Variants in C11orf86 observed in about 807,000 individuals in gnomAD.
The protein encoded by C11orf86 is uncharacterized protein C11orf86.
C11orf86 carries 13 observed loss-of-function variants against 11.1 expected under a neutral mutation model. The observed-to-expected ratio is 1.17, with a 90% CI of 0.76 to 1.86. The LOEUF (loss-of-function observed/expected upper bound fraction) is 1.86, where lower values mean the gene tolerates loss of function less well. C11orf86 is among the 40% of genes most tolerant of loss of function. The pLI is 0.00. For missense variants in C11orf86, 144 were observed against 146.5 expected, an observed-to-expected ratio of 0.98 and a Z score of 0.09; for synonymous variants, 86 against 64.7, an observed-to-expected ratio of 1.33 and a Z score of -1.58.
chr11:66,976,362 T>A lies in C11orf86; in HGVS notation c.*111T>A. ...CCTACCTCTTCACAGCTCTCTGGACTTTGGCTGGGTGGCCCTAGGAGGCTT... is the reference window on the plus strand; with the variant it reads ...CCTACCTCTTCACAGCTCTCTGGACATTGGCTGGGTGGCCCTAGGAGGCTT... On this transcript the variant is annotated 3_prime_UTR_variant, in exon 2 of 2. Transcript: ENST00000683896. 8.1e-7 allele frequency: 1 copy of A among 1,231,008 alleles called. No individual in the cohort carries two copies. The highest frequency in any genetic ancestry group is 1.1e-6 in the Non-Finnish European group (1 of 876,348). The allele number at this position is 1,231,008 out of a possible 1,614,324, so 76.3% of individuals were successfully genotyped here. A position where few individuals can be genotyped will look rare whatever the true frequency, so the allele number is the denominator to read the frequency against.
chr11:66,975,721 A>G (rs1305449111), intron 1 of C11orf86, 83 bp downstream of exon 1: 1 of 1,493,166 alleles, frequency 6.7e-7, no homozygotes, highest in African/African-American at 1.4e-5. Context: ...AGACAGAGCC[A>G]GCCCAGGCTG....
At position 66,975,505 on chromosome 11, in the gene C11orf86, A is replaced by G; in HGVS notation, c.143A>G (p.Gln48Arg). 6.4e-7 allele frequency: 1 copy of G among 1,551,558 alleles called. No individual in the cohort carries two copies. Among genetic ancestry groups the G allele is most frequent in the Non-Finnish European group, 8.7e-7 (1 of 1,146,960 alleles). Residue 48 changes from glutamine (Q) to arginine (R), a missense_variant, in exon 1 of 2, where the codon CAG becomes CGG. Transcript: ENST00000683896. ...LRQGQEKSRS[Q>R]GLERGTEGPD... ...CAGGGGCAAGAGAAGTCCAGGTCCC[A>G]GGGCCTCGAGAGAGGCACAGAAGGG...
intron 1 of C11orf86, among the ~76,000 whole-genome samples, 192 bp downstream of exon 1, chr11:66,975,830 C>T (rs1431144014): frequency 1.3e-5 from 2 of 152,134 alleles, no homozygotes; most frequent in Non-Finnish European, 2.9e-5. Flanking sequence ...TGGGATTTAT[C>T]CCACAGGCAC....
chr11:66,976,330 C>T lies in C11orf86; in HGVS notation c.*79C>T. 1 of 1,428,666 alleles carries T rather than the reference C, an allele frequency of 7.0e-7. No individual in the cohort carries two copies. Among genetic ancestry groups the T allele is most frequent in the Non-Finnish European group, 9.6e-7 (1 of 1,044,966 alleles). The allele number at this position is 1,428,666 out of a possible 1,614,324, so 88.5% of individuals were successfully genotyped here. The stretch of plus-strand genomic sequence containing the variant: ...CTGTGCCTGGACCAGCCCACCGTGT[C>T]TGCTGACCTACCTCTTCACAGCTCT... On this transcript the variant is annotated 3_prime_UTR_variant, in exon 2 of 2. Coordinates refer to ENST00000683896, the MANE Select transcript of C11orf86 (RefSeq NM_001353554.2).
rs1949784225 is a variant in C11orf86, at chr11:66,975,748, C to T, written c.276+110C>T. 1.0e-5 allele frequency: 15 copies of T among 1,436,888 alleles called. No individual in the cohort carries two copies. In the South Asian group the frequency reaches 1.7e-4, roughly 16 times the overall value. The allele number at this position is 1,436,888 out of a possible 1,614,324, so 89.0% of individuals were successfully genotyped here. A position where few individuals can be genotyped will look rare whatever the true frequency, so the allele number is the denominator to read the frequency against. ...CCCAGGCTGTGTACCAAGATGACAA[C>T]CGAGCTGCCTGGAGATGAGGGTGCA... On this transcript the variant is annotated intron_variant, in intron 1 of 1. Coordinates refer to ENST00000683896, the MANE Select transcript of C11orf86 (RefSeq NM_001353554.2).
Position 66,976,202 on chromosome 11 carries a change from T to C in C11orf86, c.302T>C (p.Phe101Ser). The change falls in exon 2 of 2, where the codon TTT (phenylalanine) becomes TCT (serine). Residue 101 changes from phenylalanine (F) to serine (S), a missense_variant. By Grantham distance (155) the Phe-to-Ser change is radical. Transcript: ENST00000683896. ...QQQVRRRWES[F>S]VAIFPSVTLS... ...CAGGTAAGAAGAAGGTGGGAGAGCTTTGTCGCCATCTTCCCCAGCGTGACT... is the reference window on the plus strand; with the variant it reads ...CAGGTAAGAAGAAGGTGGGAGAGCTCTGTCGCCATCTTCCCCAGCGTGACT... 1 of 1,551,434 alleles carries C rather than the reference T, an allele frequency of 6.4e-7. No individual in the cohort carries two copies. Among genetic ancestry groups the C allele is most frequent in the Non-Finnish European group, 8.7e-7 (1 of 1,146,966 alleles).
chr11:66,975,392 G>T lies in C11orf86; in HGVS notation c.30G>T (p.Leu10Phe). 2 of 1,550,626 alleles carry T rather than the reference G, an allele frequency of 1.3e-6. No homozygotes were observed. Among genetic ancestry groups the T allele is most frequent in the Non-Finnish European group, 1.7e-6 (2 of 1,146,798 alleles). Residue 10 changes from leucine (L) to phenylalanine (F), a missense_variant, in exon 1 of 2, where the codon TTG becomes TTT. By Grantham distance (22) the Leu-to-Phe change is conservative (BLOSUM62 0). Coordinates refer to ENST00000683896, the MANE Select transcript of C11orf86 (RefSeq NM_001353554.2). MGTGLRSQS[L>F]REPRPSYGKL... The stretch of plus-strand genomic sequence containing the variant: ...GAACAGGGCTGCGAAGTCAGTCCTT[G>T]CGAGAGCCCCGACCCTCCTATGGAA...
At position 66,975,461 on chromosome 11, in the gene C11orf86, C is replaced by T; in HGVS notation, c.99C>T (p.Arg33=). The change falls in exon 1 of 2, where the codon CGC becomes CGT. Residue 33 remains arginine, a synonymous_variant. Coordinates refer to ENST00000683896, the MANE Select transcript of C11orf86 (RefSeq NM_001353554.2). ...GGAGGCCCCAGGAGGGCCAACTCCG[C>T]AGGGCGCTAAGCCTCAGACAGGGGC... ...PWGRPQEGQL[R]RALSLRQGQE... 6.4e-7 allele frequency: 1 copy of T among 1,551,154 alleles called. No individual in the cohort carries two copies. The highest frequency in any genetic ancestry group is 8.7e-7 in the Non-Finnish European group (1 of 1,146,886).
At chr11:66,975,665 G>A in intron 1 of C11orf86, 27 bp downstream of exon 1, 1 of 1,541,120 alleles carries the variant, frequency 6.5e-7, no homozygotes, top group East Asian at 2.4e-5. Flanking sequence ...AAGGATGGAG[G>A]GTACCACAGC....
In C11orf86 at chr11:66,975,596, C is replaced by T; in HGVS notation, c.234C>T (p.Ala78=). ...SLGDTEQLIQ[A]QRRGSRWWLR... ...GGGACACAGAGCAGCTGATCCAAGC[C>T]CAGCGAAGAGGCAGCCGGTGGTGGC... The change falls in exon 1 of 2, where the codon GCC becomes GCT. Residue 78 remains alanine (A), a synonymous_variant. Transcript: ENST00000683896. 3 of 1,551,330 alleles carry T rather than the reference C, an allele frequency of 1.9e-6. No individual in the cohort carries two copies. The highest frequency in any genetic ancestry group is 2.6e-6 in the Non-Finnish European group (3 of 1,146,840).
chr11:66,976,667 G>A lies in C11orf86; in HGVS notation c.*416G>A, dbSNP rs377132332. ...CCAGACCCATGGCCGAGAGGCTCACGGACGTTGCCTGGTCACTGGGCCATG... is the reference window on the plus strand; with the variant it reads ...CCAGACCCATGGCCGAGAGGCTCACAGACGTTGCCTGGTCACTGGGCCATG... On this transcript the variant is annotated 3_prime_UTR_variant, in exon 2 of 2. Transcript: ENST00000683896. 8 of 171,146 alleles carry A rather than the reference G, an allele frequency of 4.7e-5. No homozygotes were observed. In the South Asian group the frequency reaches 5.0e-4, roughly 11 times the overall value. 10.6% of individuals were successfully genotyped at this position (171,146 alleles called of 1,614,324 possible). A position where few individuals can be genotyped will look rare whatever the true frequency, so the allele number is the denominator to read the frequency against.
rs2136181696 is a variant in C11orf86 at position 66,976,887 on chromosome 11, G to A, written c.*636G>A. The A allele has an allele frequency of 6.5e-6, 1 of 152,680 alleles. No homozygotes were observed. The highest frequency in any genetic ancestry group is 1.5e-5 in the Non-Finnish European group (1 of 68,290). The allele number at this position is 152,680 out of a possible 1,614,324, so 9.5% of individuals were successfully genotyped here. A position where few individuals can be genotyped will look rare whatever the true frequency, so the allele number is the denominator to read the frequency against. On this transcript the variant is annotated 3_prime_UTR_variant, in exon 2 of 2. Coordinates refer to ENST00000683896, the MANE Select transcript of C11orf86 (RefSeq NM_001353554.2). ...GTCTTCCTCCCTGTGTGACAGAGGGGGAAACTGAGGCCCAGAGTGGGGAAG... is the reference window on the plus strand; with the variant it reads ...GTCTTCCTCCCTGTGTGACAGAGGGAGAAACTGAGGCCCAGAGTGGGGAAG...
In C11orf86 at chr11:66,976,547, A is replaced by T. The variant is rs1236533274; in HGVS notation, c.*296A>T. ...GGTAGGGGCCTTGGACTATGATTCT[A>T]TGAAGGTTTAGAAGAAGCCTGCCCG... On this transcript the variant is annotated 3_prime_UTR_variant, in exon 2 of 2. Coordinates refer to ENST00000683896, the MANE Select transcript of C11orf86 (RefSeq NM_001353554.2). 2.3e-6 allele frequency: 1 copy of T among 429,196 alleles called. No homozygotes were observed. The highest frequency in any genetic ancestry group is 4.2e-6 in the Non-Finnish European group (1 of 235,988). 26.6% of individuals were successfully genotyped at this position (429,196 alleles called of 1,614,324 possible). A position where few individuals can be genotyped will look rare whatever the true frequency, so the allele number is the denominator to read the frequency against.
chr11:66,975,712 G>A (rs1949783995), intron 1 of C11orf86, 74 bp downstream of exon 1: 1 of 1,506,938 alleles, frequency 6.6e-7, no homozygotes, highest in Non-Finnish European at 8.8e-7. Flanking sequence ...AAGGTTCAGA[G>A]ACAGAGCCAG....
chr11:66,976,116 G>C (rs1186326813), intron 1 of C11orf86, 61 bp from the exon 2 acceptor site: 1 of 1,510,324 alleles, frequency 6.6e-7, no homozygotes, highest in Non-Finnish European at 9.0e-7. Context: ...GTGGCTATGG[G>C]TGGAACAACA....
Position 66,976,341 on chromosome 11 carries a change from C to A in C11orf86, c.*90C>A. 1 of 1,364,400 alleles carries A rather than the reference C, an allele frequency of 7.3e-7. No homozygotes were observed. The allele number at this position is 1,364,400 out of a possible 1,614,324, so 84.5% of individuals were successfully genotyped here. ...CCAGCCCACCGTGTCTGCTGACCTACCTCTTCACAGCTCTCTGGACTTTGG... is the reference window on the plus strand; with the variant it reads ...CCAGCCCACCGTGTCTGCTGACCTAACTCTTCACAGCTCTCTGGACTTTGG... On this transcript the variant is annotated 3_prime_UTR_variant, in exon 2 of 2. Coordinates refer to ENST00000683896, the MANE Select transcript of C11orf86 (RefSeq NM_001353554.2).
chr11:66,975,483 G>C lies in C11orf86; in HGVS notation c.121G>C (p.Gly41Arg), dbSNP rs775372027. 96 of 1,551,316 alleles carry C rather than the reference G, an allele frequency of 6.2e-5. No individual in the cohort carries two copies. Among genetic ancestry groups the C allele is most frequent in the Non-Finnish European group, 8.3e-5 (95 of 1,146,956 alleles). The change falls in exon 1 of 2, where the codon GGG (glycine) becomes CGG (arginine). Residue 41 changes from glycine to arginine, a missense_variant. Coordinates refer to ENST00000683896, the MANE Select transcript of C11orf86 (RefSeq NM_001353554.2). ...CCGCAGGGCGCTAAGCCTCAGACAG[G>C]GGCAAGAGAAGTCCAGGTCCCAGGG... ...QLRRALSLRQGQEKSRSQGLE... is the reference protein window; with the variant it reads ...QLRRALSLRQRQEKSRSQGLE...
chr11:66,975,696 G>T (rs1287323297), intron 1 of C11orf86, 58 bp downstream of exon 1: 4 of 1,521,412 alleles, frequency 2.6e-6, no homozygotes, highest in South Asian at 2.5e-5. Context: ...GGATTCCAGG[G>T]CAGGAAAGGT....
chr11:66,975,895 T>C (rs1393414960), intron 1 of C11orf86, among the ~76,000 whole-genome samples: 3 of 152,152 alleles, frequency 2.0e-5, no homozygotes, highest in African/African-American at 7.2e-5. Context: ...GCGCTGTTTT[T>C]AGCTGATTGA....
Sources: gnomAD v4.1 joint callset for allele counts (sites outside exome capture counted in the v4.1 genomes callset) on GRCh38, gnomAD v4.1.1 for gene constraint, MANE v1.5 for transcripts, NCBI Gene and HGNC (gene_info 2026-07-23, HGNC 2026-07-21) for gene names.